Variants in MAEL observed in about 807,000 individuals in gnomAD.
The protein encoded by MAEL is protein maelstrom homolog.
In MAEL, 46 loss-of-function variants were observed where a neutral mutation model predicts 62.0. That is an observed-to-expected ratio of 0.74 (90% CI 0.59 to 0.95). The LOEUF (loss-of-function observed/expected upper bound fraction) is 0.95, where lower values mean the gene tolerates loss of function less well. Among genes scored for constraint, MAEL ranks in the 40% least tolerant of loss-of-function variants. The probability of loss-of-function intolerance (pLI) is 0.00; values close to 1 mark genes in which losing one functional copy is unlikely to be tolerated. For synonymous variants in MAEL, 172 were observed against 175.5 expected, an observed-to-expected ratio of 0.98 and a Z score of 0.16; for missense variants, 497 against 526.8, an observed-to-expected ratio of 0.94 and a Z score of 0.55.
At chr1:167,020,940 T>G in intron 10 of MAEL, 145 bp from the exon 11 acceptor site, 1 of 694,366 alleles carries the variant, frequency 1.4e-6, no homozygotes, top group Non-Finnish European at 2.5e-6. Context: ...TTCTCCCCCT[T>G]TGCAGCAAAA....
intron 8 of MAEL, among the ~76,000 whole-genome samples, chr1:167,015,866 A>G (rs1397809563): frequency 6.6e-6 from 1 of 152,094 alleles, no homozygotes; most frequent in Non-Finnish European, 1.5e-5. Context: ...TGTGGACAAT[A>G]ATTTCTATTT....
rs1397202631 is a variant in MAEL, at chr1:166,989,362, C to T, written c.10C>T (p.Arg4Cys). 1.5e-5 allele frequency: 24 copies of T among 1,610,230 alleles called. No individual in the cohort carries two copies. The highest frequency in any genetic ancestry group is 1.8e-5 in the Non-Finnish European group (21 of 1,178,444). Residue 4 changes from arginine to cysteine, a missense_variant, in exon 1 of 12, where the codon CGT becomes TGT. Physicochemically the swap from Arg to Cys is radical, Grantham distance 180. Coordinates refer to ENST00000367872, the MANE Select transcript of MAEL (RefSeq NM_032858.3). Reference protein sequence around the residue: MPNRKASRNAYYFF... With the variant: MPNCKASRNAYYFF... ...GTTTGACCGCGCTGCCATGCCGAAC[C>T]GTAAGGCCAGCCGGAATGCTTACTA...
intron 1 of MAEL, among the ~76,000 whole-genome samples, chr1:166,976,045 A>G (rs2102052536): frequency 6.6e-6 from 1 of 152,306 alleles, no homozygotes; most frequent in South Asian, 2.1e-4. Flanking sequence ...ACCAGGCAAG[A>G]GGCTCCGCAG....
At chr1:166,993,890 A>G (rs1352800477) in intron 4 of MAEL, 138 bp from the exon 5 acceptor site, 7 of 632,906 alleles carry the variant, frequency 1.1e-5, no homozygotes, top group East Asian at 6.0e-5. Flanking sequence ...AATAAACCCT[A>G]TAAAAGTTTA....
intron 10 of MAEL, among the ~76,000 whole-genome samples, chr1:167,020,141 T>TAA (rs1665561690): frequency 1.3e-5 from 2 of 152,208 alleles, no homozygotes; most frequent in East Asian, 3.8e-4. Context: ...CAGGGCCACT[T>TAA]CATTGCACAA....
At chr1:167,017,736 A>G (rs1557988536) in intron 9 of MAEL, 91 bp from the exon 10 acceptor site, 1 of 1,251,274 alleles carries the variant, frequency 8.0e-7, no homozygotes, top group Non-Finnish European at 1.1e-6. Context: ...AGTACCTCAG[A>G]TGCTTTCTTT....
At chr1:166,984,107 G>T (rs1663844905), upstream of MAEL, among the ~76,000 whole-genome samples, 1 of 151,846 alleles carries the variant, frequency 6.6e-6, no homozygotes, top group South Asian at 2.1e-4. Flanking sequence ...GTCTCCCTCT[G>T]CCCCAAAGTC....
At chr1:167,020,205 C>G (rs1444777307) in intron 10 of MAEL, among the ~76,000 whole-genome samples, 1 of 152,168 alleles carries the variant, frequency 6.6e-6, no homozygotes, top group Non-Finnish European at 1.5e-5. Flanking sequence ...TCCTCCTTTA[C>G]CACCTTTGTC....
At position 166,989,466 on chromosome 1, in the gene MAEL, C is replaced by A; in HGVS notation, c.114C>A (p.Tyr38Ter). The part of the protein sequence containing the change: ...PVARVADAIP[Y>*]CSSDWALLRE... ...CTCGCGTTGCTGATGCCATCCCTTACTGCTCCTCAGACTGGGCGGTAAGGC... is the reference window on the plus strand; with the variant it reads ...CTCGCGTTGCTGATGCCATCCCTTAATGCTCCTCAGACTGGGCGGTAAGGC... Residue 38 changes from tyrosine (Y) to a stop codon, truncating the protein, a stop_gained, in exon 1 of 12, where the codon TAC (tyrosine) becomes TAA (stop). Transcript: ENST00000367872. LOFTEE classifies it high-confidence loss of function. The A allele has an allele frequency of 6.3e-7, 1 of 1,586,912 alleles. No homozygotes were observed. The highest frequency in any genetic ancestry group is 8.6e-7 in the Non-Finnish European group (1 of 1,166,738).
intron 1 of MAEL, among the ~76,000 whole-genome samples, chr1:166,982,771 C>T (rs905377292): frequency 6.6e-6 from 1 of 152,280 alleles, no homozygotes; most frequent in African/African-American, 2.4e-5. Context: ...GGCCCTACCT[C>T]CCTCTCTAAT....
intron 2 of MAEL, chr1:166,990,172 A>C (rs889904902): frequency 9.8e-6 from 1 of 102,394 alleles, no homozygotes; most frequent in Non-Finnish European, 1.9e-5. Context: ...TTCTGTGATT[A>C]ATGAGCCTTG....
At chr1:167,007,145 G>C (rs6686817) in intron 8 of MAEL, among the ~76,000 whole-genome samples, 59,227 of 150,662 alleles carry the variant, frequency 0.39, 12,743 homozygotes, top group African/African-American at 0.59. Context: ...AAAAAAAAAA[G>C]TTTCTCCTTT....
intron 5 of MAEL, 51 bp downstream of exon 5, chr1:166,994,120 T>A: frequency 6.8e-7 from 1 of 1,464,036 alleles, no homozygotes; most frequent in South Asian, 1.2e-5. Flanking sequence ...TATTCATACC[T>A]GGTTAGACTT....
Position 167,021,653 on chromosome 1 carries a change from T to G in MAEL, c.1118-15T>G, listed in dbSNP as rs1665634062. On this transcript the variant is annotated splice_polypyrimidine_tract_variant and intron_variant, in intron 11 of 11. Coordinates refer to ENST00000367872, the MANE Select transcript of MAEL (RefSeq NM_032858.3). ...AAATTGCTATATCTCTTTTCTTGTA[T>G]TTTCAATATCCTAGGTGACTACCCA... The G allele has an allele frequency of 3.9e-6, 6 of 1,550,080 alleles. No homozygotes were observed. The highest frequency in any genetic ancestry group is 5.2e-6 in the Non-Finnish European group (6 of 1,149,446).
In MAEL at chr1:166,975,999, C is replaced by T. The variant is rs1663567365; in HGVS notation, c.-121+333C>T. On this transcript the variant is annotated intron_variant, in intron 1 of 12. Transcript: ENST00000622874. ...AATGTTCGCTTCTGCGGTACCCCCGCCCCTCCGTCTGGTTTCCTTTTTGAC... is the reference window on the plus strand; with the variant it reads ...AATGTTCGCTTCTGCGGTACCCCCGTCCCTCCGTCTGGTTTCCTTTTTGAC... Among the ~76,000 whole-genome samples, 4 of 152,198 alleles carry T rather than the reference C, an allele frequency of 2.6e-5. No individual in the cohort carries two copies. The South Asian group carries it at 8.3e-4, about 32-fold the overall frequency.
chr1:166,989,478 C>G lies in MAEL; in HGVS notation c.126C>G (p.Asp42Glu), dbSNP rs144910501. ...ATGCCATCCCTTACTGCTCCTCAGA[C>G]TGGGCGGTAAGGCTGGAGCGGAGTG... ...VADAIPYCSS[D>E]WALLREEEKE... The change falls in exon 1 of 12, where the codon GAC becomes GAG. Residue 42 changes from aspartate (D) to glutamate (E), a missense_variant. Transcript: ENST00000367872. 8.3e-4 allele frequency: 1,311 copies of G among 1,584,600 alleles called. 8 individuals carry two copies. In the Middle Eastern group the frequency reaches 0.026, roughly 31 times the overall value.
chr1:167,009,575 G>T (rs904912166), intron 8 of MAEL, among the ~76,000 whole-genome samples: 8 of 146,744 alleles, frequency 5.5e-5, no homozygotes, highest in Non-Finnish European at 1.5e-5. Context: ...GCAGAATCAG[G>T]TTCTATTTCT....
At chr1:167,020,948 A>G (rs1450151465) in intron 10 of MAEL, 137 bp from the exon 11 acceptor site, 2 of 717,352 alleles carry the variant, frequency 2.8e-6, no homozygotes, top group Non-Finnish European at 4.8e-6. Flanking sequence ...CTTTGCAGCA[A>G]AAATTGATAA....
chr1:166,992,940 G>A, intron 4 of MAEL, 99 bp downstream of exon 4: 2 of 969,180 alleles, frequency 2.1e-6, no homozygotes, highest in Non-Finnish European at 2.9e-6. Context: ...ACAAGCTCAT[G>A]TACAGCTGTG....
Sources: gnomAD v4.1 joint callset for allele counts (sites outside exome capture counted in the v4.1 genomes callset) on GRCh38, gnomAD v4.1.1 for gene constraint, MANE v1.5 for transcripts, NCBI Gene and HGNC (gene_info 2026-07-23, HGNC 2026-07-21) for gene names.